The following EYA3 variants were observed in gnomAD, a reference collection of about 807,000 sequenced individuals.
The protein encoded by EYA3 is protein phosphatase EYA3.
In EYA3, 39 loss-of-function variants were observed where a neutral mutation model predicts 80.0. That is an observed-to-expected ratio of 0.49 (90% CI 0.38 to 0.64). The LOEUF is 0.64. Ranked by LOEUF, EYA3 falls within the 30% of genes least tolerant of loss-of-function variation. EYA3 has a pLI of 0.00. For synonymous variants in EYA3, 206 were observed against 232.8 expected (o/e 0.88, Z 1.05); for missense variants, 523 against 676.1 (o/e 0.77, Z 2.51).
At chr1:28,058,867 A>G (rs1207567191) in intron 1 of EYA3, among the ~76,000 whole-genome samples, 1 of 152,216 alleles carries the variant, frequency 6.6e-6, no homozygotes, top group Non-Finnish European at 1.5e-5. Flanking sequence ...GGAGACAAAG[A>G]GACAAAAATT....
At chr1:28,043,609 G>A (rs574199193) in intron 3 of EYA3, among the ~76,000 whole-genome samples, 11 of 152,210 alleles carry the variant, frequency 7.2e-5, no homozygotes, top group African/African-American at 1.4e-4. Context: ...AAGCTGAGGC[G>A]GGCGGATCAC....
chr1:28,040,342 C>T (rs546219774), intron 4 of EYA3, among the ~76,000 whole-genome samples: 2 of 152,184 alleles, frequency 1.3e-5, no homozygotes, highest in South Asian at 4.1e-4. Flanking sequence ...GTGTATGTCA[C>T]GGGGGCTAAA....
intron 5 of EYA3, among the ~76,000 whole-genome samples, chr1:28,038,227 A>G (rs1375320097): frequency 6.6e-6 from 1 of 152,130 alleles, no homozygotes; most frequent in East Asian, 1.9e-4. Flanking sequence ...ACCTGAGGTC[A>G]GCCGTTTGAA....
At chr1:28,046,037 T>C (rs977229709) in intron 3 of EYA3, among the ~76,000 whole-genome samples, 5 of 152,198 alleles carry the variant, frequency 3.3e-5, no homozygotes, top group Admixed American at 6.5e-5. Flanking sequence ...TTCTGTGAGG[T>C]ACTTAGAGCA....
intron 7 of EYA3, among the ~76,000 whole-genome samples, chr1:28,021,537 G>A (rs955926693): frequency 6.6e-6 from 1 of 152,018 alleles, no homozygotes; most frequent in Non-Finnish European, 1.5e-5. Flanking sequence ...GCAGGTGATG[G>A]TCAATAAATA....
chr1:27,998,728 AG>A (rs1011217444), intron 12 of EYA3, among the ~76,000 whole-genome samples: 3 of 151,708 alleles, frequency 2.0e-5, no homozygotes, highest in African/African-American at 4.8e-5. Flanking sequence ...AAAAAAAAAA[AG>A]ATTAAAAAAA....
chr1:28,061,650 A>G (rs921674839), intron 1 of EYA3, among the ~76,000 whole-genome samples: 3 of 151,164 alleles, frequency 2.0e-5, no homozygotes, highest in African/African-American at 7.3e-5. Flanking sequence ...CCCAGGCTGG[A>G]GTGCAGTGGC....
At chr1:28,077,229 G>A (rs1287299908) in intron 1 of EYA3, among the ~76,000 whole-genome samples, 4 of 150,606 alleles carry the variant, frequency 2.7e-5, no homozygotes, top group Admixed American at 6.7e-5. Flanking sequence ...TCAGCCTCCT[G>A]AGTAGCTGGG....
At chr1:28,024,449 G>A (rs1439710802) in intron 7 of EYA3, among the ~76,000 whole-genome samples, 1 of 152,012 alleles carries the variant, frequency 6.6e-6, no homozygotes, top group Non-Finnish European at 1.5e-5. Flanking sequence ...TTGAGGTCAG[G>A]AATTCGAGAC....
At chr1:28,053,844 G>A (rs909148269) in intron 2 of EYA3, among the ~76,000 whole-genome samples, 4 of 152,204 alleles carry the variant, frequency 2.6e-5, no homozygotes, top group Non-Finnish European at 5.9e-5. Context: ...GGACTCTCTA[G>A]TTAAGAAAAT....
chr1:28,044,880 T>C (rs1643944703), intron 3 of EYA3, among the ~76,000 whole-genome samples: 1 of 152,134 alleles, frequency 6.6e-6, no homozygotes, highest in South Asian at 2.1e-4. Flanking sequence ...CAAGTGATCT[T>C]CCTACCTCAT....
chr1:28,069,845 C>T (rs778638157), intron 1 of EYA3, among the ~76,000 whole-genome samples: 6 of 152,146 alleles, frequency 3.9e-5, no homozygotes, highest in Non-Finnish European at 8.8e-5. Context: ...AGGCCCTAAA[C>T]GCCATCACAA....
intron 8 of EYA3, among the ~76,000 whole-genome samples, chr1:28,015,789 G>C (rs1192219127): frequency 6.6e-6 from 1 of 152,250 alleles, no homozygotes; most frequent in South Asian, 2.1e-4. Flanking sequence ...ATTGGGTAAG[G>C]TTGTGAGAAA....
chr1:28,021,794 G>A (rs954981333), intron 7 of EYA3, among the ~76,000 whole-genome samples: 1 of 151,880 alleles, frequency 6.6e-6, no homozygotes, highest in Non-Finnish European at 1.5e-5. Flanking sequence ...TAGTAGAAAC[G>A]GGGTTTCACC....
At chr1:28,087,403 A>T (rs914681862) in intron 1 of EYA3, among the ~76,000 whole-genome samples, 9 of 152,378 alleles carry the variant, frequency 5.9e-5, no homozygotes, top group Non-Finnish European at 1.0e-4. Flanking sequence ...TAAGTAATGT[A>T]ATTCTAAGTA....
chr1:28,018,215 A>G (rs1021180799), intron 7 of EYA3, among the ~76,000 whole-genome samples: 12 of 152,094 alleles, frequency 7.9e-5, no homozygotes, highest in Admixed American at 5.2e-4. Flanking sequence ...GAAAAGAAAA[A>G]AGAAAAAAAA....
In EYA3 at chr1:28,011,045, T is replaced by C; in HGVS notation, c.811A>G (p.Ser271Gly). 6.2e-7 allele frequency: 1 copy of C among 1,614,058 alleles called. No homozygotes were observed. The highest frequency in any genetic ancestry group is 1.1e-5 in the South Asian group (1 of 91,074). ...CTGGACTGATCATCAGTATCTTTAC[T>C]TGGTGTAGTCTGGGACAAAGATGGA... ...TSPSLSQTTPSKDTDDQSRKN... is the reference protein window; with the variant it reads ...TSPSLSQTTPGKDTDDQSRKN... Residue 271 changes from serine to glycine, a missense_variant, in exon 10 of 18, where the codon AGT (serine) becomes GGT (glycine). Physicochemically the swap from Ser to Gly is moderately conservative, Grantham distance 56. Transcript: ENST00000373871.
Position 28,073,103 on chromosome 1 carries a change from T to TTCTATATATATATATA in EYA3, c.-68-15010_-68-15009insTATATATATATATAGA, listed in dbSNP as rs1447435853. On this transcript the variant is annotated intron_variant, in intron 1 of 17. Transcript: ENST00000373871. ...ATCCTTTTTGGGATTGATGAAACTATTATATATATATATATATATATATAT... is the reference window on the plus strand; with the variant it reads ...ATCCTTTTTGGGATTGATGAAACTATTCTATATATATATATATATATATATATATATATATATATAT... Among the ~76,000 whole-genome samples, 41 of 37,748 alleles carry TTCTATATATATATATA rather than the reference T, an allele frequency of 1.1e-3. 5 individuals carry two copies. Among genetic ancestry groups the TTCTATATATATATATA allele is most frequent in the African/African-American group, 3.4e-3 (21 of 6,248 alleles). The allele number at this position is 37,748 out of a possible 152,430, so 24.8% of individuals were successfully genotyped here. A position where few individuals can be genotyped will look rare whatever the true frequency, so the allele number is the denominator to read the frequency against.
chr1:28,042,394 GGTCT>G lies in EYA3; in HGVS notation c.157+173_157+176del, dbSNP rs1297853645. 2.6e-5 allele frequency among the ~76,000 whole-genome samples: 4 copies of G among 152,166 alleles called. No homozygotes were observed. The East Asian group carries it at 7.7e-4, about 29-fold the overall frequency. Reference sequence around the variant, plus strand: ...GACTCCATGTGATCTTTTCTCAGCTGGTCTGTCAATAAAGCTTACAGGAGGGCTC... The same window carrying G: ...GACTCCATGTGATCTTTTCTCAGCTGGTCAATAAAGCTTACAGGAGGGCTC... On this transcript the variant is annotated intron_variant, in intron 4 of 17. Coordinates refer to ENST00000373871, the MANE Select transcript of EYA3 (RefSeq NM_001990.4).
Sources: allele counts gnomAD v4.1 joint callset (sites outside exome capture counted in the v4.1 genomes callset), GRCh38; gene constraint gnomAD v4.1.1; transcripts MANE v1.5; gene names NCBI Gene and HGNC (gene_info 2026-07-23, HGNC 2026-07-21).